FGF13: variants seen among roughly 807,000 people sequenced by gnomAD.
FGF13 encodes fibroblast growth factor 13, also known as fibroblast growth factor homologous factor 2.
Under a neutral mutation model 19.5 loss-of-function variants are expected in FGF13, and 2 were observed. The ratio of observed to expected loss-of-function variants is 0.10; its 90% CI spans 0.04 to 0.32. The LOEUF is 0.32. Among genes scored for constraint, FGF13 ranks in the 10% least tolerant of loss-of-function variants. The probability of loss-of-function intolerance (pLI) is 1.00; values close to 1 mark genes in which losing one functional copy is unlikely to be tolerated. For synonymous variants in FGF13, 72 were observed against 76.9 expected (o/e 0.94, Z 0.33); for missense variants, 113 against 192.7 (o/e 0.59, Z 2.45).
chrX:138,989,542 T>C (rs1025387502), intron 1 of FGF13, among the ~76,000 whole-genome samples: 2 of 111,759 alleles, frequency 1.8e-5, no homozygotes, highest in Non-Finnish European at 3.8e-5. Context: ...GCAGATTTCA[T>C]CTGAAAAATA....
intron 1 of FGF13, among the ~76,000 whole-genome samples, chrX:139,063,686 T>C (rs1425044264): frequency 8.9e-6 from 1 of 112,118 alleles, no homozygotes; most frequent in African/African-American, 3.2e-5. Flanking sequence ...GATTTCACAC[T>C]ATATTGCATC....
intron 1 of FGF13, among the ~76,000 whole-genome samples, chrX:138,980,872 T>C (rs1013600578): frequency 2.7e-5 from 3 of 111,079 alleles, no homozygotes; most frequent in African/African-American, 6.5e-5. Context: ...AAAAGTCAAA[T>C]AGAACAGAGA....
intron 1 of FGF13, chrX:138,990,384 T>C (rs1167842099): frequency 9.0e-6 from 1 of 110,829 alleles, no homozygotes; most frequent in African/African-American, 3.3e-5. Flanking sequence ...ACAGGCTTTA[T>C]ATTTAGACAG....
At chrX:138,657,182 C>A (rs2089446344) in intron 3 of FGF13, among the ~76,000 whole-genome samples, 1 of 111,505 alleles carries the variant, frequency 9.0e-6, no homozygotes, top group South Asian at 3.7e-4. Context: ...AATTAATTGG[C>A]ATATATTTAT....
chrX:139,007,835 G>C (rs766927227), intron 1 of FGF13, among the ~76,000 whole-genome samples: 2 of 112,303 alleles, frequency 1.8e-5, no homozygotes, highest in African/African-American at 6.5e-5. Flanking sequence ...ACCACTGCAG[G>C]CTCCGTGAAA....
chrX:138,970,619 T>G (rs1227187268), intron 1 of FGF13, among the ~76,000 whole-genome samples: 3 of 111,329 alleles, frequency 2.7e-5, no homozygotes, highest in African/African-American at 9.8e-5. Flanking sequence ...CAGGAGAAAT[T>G]TATCTTCTCA....
intron 3 of FGF13, among the ~76,000 whole-genome samples, chrX:138,679,769 G>A (rs2089709675): frequency 8.9e-6 from 1 of 111,746 alleles, no homozygotes; most frequent in Non-Finnish European, 1.9e-5. Context: ...TGATTGATCA[G>A]GATGGTGGCT....
intron 1 of FGF13, among the ~76,000 whole-genome samples, chrX:138,718,324 T>C (rs2090123928): frequency 9.0e-6 from 1 of 111,673 alleles, no homozygotes; most frequent in African/African-American, 3.3e-5. Context: ...GTAACCTAAA[T>C]GAAAAGCTAG....
At chrX:139,187,665 G>C in intron 1 of FGF13, among the ~76,000 whole-genome samples, 1 of 111,976 alleles carries the variant, frequency 8.9e-6, no homozygotes, top group East Asian at 2.8e-4. Context: ...CTGAAGTTTT[G>C]TTCACAATCA....
intron 3 of FGF13, among the ~76,000 whole-genome samples, chrX:138,638,920 G>A (rs1222347786): frequency 9.0e-6 from 1 of 111,352 alleles, no homozygotes; most frequent in African/African-American, 3.3e-5. Context: ...TGAATGCTCT[G>A]TCACATCCTG....
intron 1 of FGF13, among the ~76,000 whole-genome samples, chrX:138,913,359 G>A (rs1329023239): frequency 9.3e-6 from 1 of 108,037 alleles, no homozygotes; most frequent in Non-Finnish European, 1.9e-5. Flanking sequence ...TAGAGACGGG[G>A]TTTCACCATA....
chrX:139,153,860 G>A (rs1227651209), intron 1 of FGF13, among the ~76,000 whole-genome samples: 2 of 110,997 alleles, frequency 1.8e-5, no homozygotes, highest in Non-Finnish European at 3.8e-5. Flanking sequence ...CACACACATG[G>A]GAAAAGGCCT....
chrX:139,146,509 T>G (rs866889427), intron 1 of FGF13, among the ~76,000 whole-genome samples: 2 of 112,273 alleles, frequency 1.8e-5, no homozygotes. Flanking sequence ...GGAACACTTT[T>G]ACACTGTTGG....
intron 3 of FGF13, among the ~76,000 whole-genome samples, chrX:138,831,351 C>T (rs768517129): frequency 1.8e-5 from 2 of 110,832 alleles, no homozygotes; most frequent in Non-Finnish European, 3.8e-5. Context: ...AAGTGGGCAA[C>T]TCCATACTGG....
chrX:138,946,689 C>A (rs1433766404), intron 1 of FGF13, among the ~76,000 whole-genome samples: 1 of 112,047 alleles, frequency 8.9e-6, no homozygotes, highest in Non-Finnish European at 1.9e-5. Context: ...TCAACACCAT[C>A]ATCATTTTTA....
chrX:138,768,420 G>C (rs1327430167), intron 3 of FGF13, among the ~76,000 whole-genome samples: 1 of 109,999 alleles, frequency 9.1e-6, no homozygotes, highest in Non-Finnish European at 1.9e-5. Context: ...AAGGGTTAGT[G>C]ACCACAGTGG....
At chrX:138,843,211 C>T (rs886216476) in intron 3 of FGF13, among the ~76,000 whole-genome samples, 7 of 112,133 alleles carry the variant, frequency 6.2e-5, no homozygotes, top group Non-Finnish European at 1.1e-4. Flanking sequence ...AAGTTCAGTT[C>T]GCATGTTAAA....
intron 1 of FGF13, among the ~76,000 whole-genome samples, chrX:139,141,102 TAC>T (rs748785543): frequency 0.016 from 1,524 of 96,356 alleles, 14 homozygotes; most frequent in African/African-American, 0.037. Context: ...GATAAGAGTG[TAC>T]ACACACACAC....
At chrX:138,739,326 C>G (rs2090303242) in exon 1 of FGF13, 1 of 1,171,781 alleles carries the variant, frequency 8.5e-7, no homozygotes, top group African/African-American at 1.8e-5. Flanking sequence ...GGAGCAGACA[C>G]AGAGAGAGAG....
Sources: gnomAD v4.1 joint callset for allele counts (sites outside exome capture counted in the v4.1 genomes callset) on GRCh38, gnomAD v4.1.1 for gene constraint, MANE v1.5 for transcripts, NCBI Gene and HGNC (gene_info 2026-07-23, HGNC 2026-07-21) for gene names.